The following NRXN3 variants were observed in gnomAD, a reference collection of about 807,000 sequenced individuals.
NRXN3 encodes neurexin III.
In NRXN3, 32 loss-of-function variants were observed where a neutral mutation model predicts 137.6. That is an observed-to-expected ratio of 0.23 (90% CI 0.18 to 0.31). NRXN3 has a LOEUF of 0.31. NRXN3 is among the 10% of genes least tolerant of loss of function. The pLI, the probability that NRXN3 is intolerant of heterozygous loss-of-function variation, is 1.00. For missense variants in NRXN3, 1,574 were observed against 2,062.5 expected (o/e 0.76, Z 4.59); for synonymous variants, 798 against 784.5 (o/e 1.02, Z -0.29).
chr14:79,413,399 T>C (rs1474340347), intron 15 of NRXN3, among the ~76,000 whole-genome samples: 1 of 152,174 alleles, frequency 6.6e-6, no homozygotes, highest in Non-Finnish European at 1.5e-5. Flanking sequence ...TCTGGGATGA[T>C]ATGACTTCTT....
chr14:79,081,595 G>A (rs1333235876), intron 15 of NRXN3, among the ~76,000 whole-genome samples: 19 of 138,426 alleles, frequency 1.4e-4, no homozygotes, highest in African/African-American at 4.9e-4. Context: ...CAGCCTGGGC[G>A]ACAGAGTGAG....
chr14:78,261,769 C>T (rs558127729), intron 2 of NRXN3, among the ~76,000 whole-genome samples: 2 of 152,262 alleles, frequency 1.3e-5, no homozygotes, highest in South Asian at 4.2e-4. Context: ...TAGCAAGTGG[C>T]TTGGGACTGG....
At chr14:79,725,561 C>T (rs562741890) in intron 19 of NRXN3, among the ~76,000 whole-genome samples, 57 of 152,198 alleles carry the variant, frequency 3.7e-4, no homozygotes, top group Admixed American at 9.8e-4. Context: ...GAAGTTGGGC[C>T]GGGCTAGGTT....
chr14:78,775,395 A>G (rs2098741745), intron 8 of NRXN3, among the ~76,000 whole-genome samples: 1 of 152,232 alleles, frequency 6.6e-6, no homozygotes, highest in South Asian at 2.1e-4. Context: ...CATAGGGCAC[A>G]TGTGGCCCAG....
At chr14:78,245,478 G>A (rs977449247) in intron 2 of NRXN3, among the ~76,000 whole-genome samples, 14 of 152,130 alleles carry the variant, frequency 9.2e-5, no homozygotes, top group African/African-American at 3.1e-4. Context: ...CCTTGCCACC[G>A]ATTCCCAAGA....
intron 4 of NRXN3, among the ~76,000 whole-genome samples, chr14:78,508,526 T>G (rs1480651561): frequency 1.3e-5 from 2 of 152,208 alleles, no homozygotes; most frequent in African/African-American, 4.8e-5. Context: ...CCTTTTCTTA[T>G]GTTTGTTTTG....
intron 16 of NRXN3, among the ~76,000 whole-genome samples, chr14:79,512,399 A>T (rs2096940504): frequency 1.3e-5 from 2 of 152,196 alleles, no homozygotes; most frequent in African/African-American, 4.8e-5. Flanking sequence ...TTAGGAAGAG[A>T]TGATACATAT....
intron 4 of NRXN3, among the ~76,000 whole-genome samples, chr14:78,533,976 A>G (rs1324443833): frequency 1.3e-5 from 2 of 152,196 alleles, no homozygotes; most frequent in Non-Finnish European, 2.9e-5. Context: ...TAATGTATTT[A>G]TGACAAATTT....
At chr14:78,571,706 C>T (rs1292307817) in intron 4 of NRXN3, among the ~76,000 whole-genome samples, 1 of 152,156 alleles carries the variant, frequency 6.6e-6, no homozygotes, top group Non-Finnish European at 1.5e-5. Context: ...CACACACACA[C>T]ATTCACGCAA....
chr14:78,561,995 C>G (rs1049328467), intron 4 of NRXN3, among the ~76,000 whole-genome samples: 2 of 152,182 alleles, frequency 1.3e-5, no homozygotes, highest in African/African-American at 4.8e-5. Context: ...CACTCTTCTG[C>G]AATGTATCCT....
At chr14:79,061,460 T>TGCAAA (rs1415313826) in intron 15 of NRXN3, among the ~76,000 whole-genome samples, 1 of 152,072 alleles carries the variant, frequency 6.6e-6, no homozygotes, top group African/African-American at 2.4e-5. Flanking sequence ...GAGAACAGTG[T>TGCAAA]GCAAAGCACC....
At chr14:78,787,292 T>C (rs2098791957) in intron 8 of NRXN3, among the ~76,000 whole-genome samples, 1 of 152,180 alleles carries the variant, frequency 6.6e-6, no homozygotes, top group South Asian at 2.1e-4. Flanking sequence ...TCAGATAATA[T>C]GGAAGCACCC....
intron 5 of NRXN3, among the ~76,000 whole-genome samples, chr14:78,650,490 G>A (rs908898197): frequency 6.6e-6 from 1 of 151,510 alleles, no homozygotes; most frequent in African/African-American, 2.4e-5. Context: ...TGCCTTTTTG[G>A]TTTGGGTCAT....
At chr14:79,293,002 G>A (rs2083451075) in intron 15 of NRXN3, among the ~76,000 whole-genome samples, 1 of 152,138 alleles carries the variant, frequency 6.6e-6, no homozygotes. Context: ...TGTGAAATAG[G>A]AAGGTAAACC....
At chr14:79,243,955 A>G (rs1568755137) in intron 15 of NRXN3, among the ~76,000 whole-genome samples, 1 of 152,158 alleles carries the variant, frequency 6.6e-6, no homozygotes, top group Non-Finnish European at 1.5e-5. Flanking sequence ...GATATGCCAC[A>G]CTATCATTAA....
intron 15 of NRXN3, among the ~76,000 whole-genome samples, chr14:79,127,113 C>G (rs528795627): frequency 3.3e-5 from 5 of 152,094 alleles, no homozygotes; most frequent in African/African-American, 9.6e-5. Context: ...AATTTTCTCC[C>G]ATTTTGTGGG....
intron 4 of NRXN3, among the ~76,000 whole-genome samples, chr14:78,400,954 A>C (rs1351354607): frequency 6.6e-6 from 1 of 152,202 alleles, no homozygotes; most frequent in Non-Finnish European, 1.5e-5. Context: ...TATTTCTCAC[A>C]GTTCTGGAGG....
chr14:79,441,636 T>C (rs1050808803), intron 15 of NRXN3, among the ~76,000 whole-genome samples: 4 of 151,840 alleles, frequency 2.6e-5, no homozygotes, highest in Non-Finnish European at 5.9e-5. Context: ...CGCCGCGGCC[T>C]CCCAAAGTGC....
intron 10 of NRXN3, among the ~76,000 whole-genome samples, chr14:78,884,130 A>G (rs1260009451): frequency 1.3e-5 from 2 of 152,118 alleles, no homozygotes; most frequent in Admixed American, 6.6e-5. Flanking sequence ...TCTTCTCCTA[A>G]TGGTTTCTAA....
Sources: gnomAD v4.1 joint callset for allele counts (sites outside exome capture counted in the v4.1 genomes callset) on GRCh38, gnomAD v4.1.1 for gene constraint, MANE v1.5 for transcripts, NCBI Gene and HGNC (gene_info 2026-07-23, HGNC 2026-07-21) for gene names.